The following NR6A1 variants were observed in gnomAD, a reference collection of about 807,000 sequenced individuals.
NR6A1 encodes the protein nuclear receptor subfamily 6 group A member 1, also known as retinoic acid receptor-related testis-associated receptor.
NR6A1 carries 7 observed loss-of-function variants against 59.1 expected under a neutral mutation model. The ratio of observed to expected loss-of-function variants is 0.12; its 90% CI spans 0.07 to 0.22. The LOEUF is 0.22. Among genes scored for constraint, NR6A1 ranks in the 10% least tolerant of loss-of-function variants. NR6A1 has a pLI of 1.00. For missense variants in NR6A1, 468 were observed against 611.6 expected (o/e 0.77, Z 2.48); for synonymous variants, 243 against 236.1 (o/e 1.03, Z -0.27).
Position 124,595,099 on chromosome 9 carries a change from T to C in NR6A1, c.143-40529A>G, listed in dbSNP as rs185923696. Among the ~76,000 whole-genome samples, 9 of 152,326 alleles carry C rather than the reference T, an allele frequency of 5.9e-5. No homozygotes were observed. In the East Asian group the frequency reaches 1.5e-3, roughly 26 times the overall value. ...GTCTTTCCTGGCCTAAATAATAAAGTTGTGGAAAAGTGGGGTTTCTCACAT... is the reference window on the plus strand; with the variant it reads ...GTCTTTCCTGGCCTAAATAATAAAGCTGTGGAAAAGTGGGGTTTCTCACAT... On this transcript the variant is annotated intron_variant, in intron 2 of 9. Transcript: ENST00000487099.
intron 2 of NR6A1, among the ~76,000 whole-genome samples, chr9:124,661,640 G>C (rs1259075487): frequency 6.6e-6 from 1 of 152,148 alleles, no homozygotes; most frequent in Admixed American, 6.5e-5. Flanking sequence ...AATGGTGCTG[G>C]TAAACATAAT....
intron 2 of NR6A1, among the ~76,000 whole-genome samples, chr9:124,619,264 A>C (rs201881992): frequency 6.6e-6 from 1 of 151,078 alleles, no homozygotes; most frequent in Non-Finnish European, 1.5e-5. Context: ...AATTTTAATT[A>C]AAAAAAAAAT....
At chr9:124,763,875 A>G (rs756159596) in intron 1 of NR6A1, among the ~76,000 whole-genome samples, 5 of 152,188 alleles carry the variant, frequency 3.3e-5, no homozygotes, top group Admixed American at 6.5e-5. Flanking sequence ...GACTTGAATT[A>G]ATAAAACTAG....
At chr9:124,760,588 A>T (rs1009372023) in intron 1 of NR6A1, among the ~76,000 whole-genome samples, 4 of 152,186 alleles carry the variant, frequency 2.6e-5, no homozygotes, top group Non-Finnish European at 5.9e-5. Context: ...GGGGATGTTA[A>T]ATCTATGAAA....
At chr9:124,677,208 T>C (rs1837992646) in intron 2 of NR6A1, among the ~76,000 whole-genome samples, 1 of 152,208 alleles carries the variant, frequency 6.6e-6, no homozygotes, top group Non-Finnish European at 1.5e-5. Flanking sequence ...AATTTTCATA[T>C]ATGGTCAAAA....
rs71372980 is a variant in NR6A1 at position 124,630,670 on chromosome 9, CTTTTTTTTTTTT to C, written c.143-76112_143-76101del. Among the ~76,000 whole-genome samples the C allele has an allele frequency of 2.7e-4, 16 of 59,520 alleles. No homozygotes were observed. In the South Asian group the frequency reaches 0.01, roughly 38 times the overall value. 39.0% of individuals were successfully genotyped at this position (59,520 alleles called of 152,430 possible). A position where few individuals can be genotyped will look rare whatever the true frequency, so the allele number is the denominator to read the frequency against. ...GACCCCTGGGCAAGTTACTACATTT[CTTTTTTTTTTTT>C]TTTTTTTTTTTTTGAGACAGAGTTT... On this transcript the variant is annotated intron_variant, in intron 2 of 9. Coordinates refer to ENST00000487099, the MANE Select transcript of NR6A1 (RefSeq NM_033334.4).
intron 2 of NR6A1, among the ~76,000 whole-genome samples, chr9:124,676,327 T>C: frequency 6.6e-6 from 1 of 152,226 alleles, no homozygotes; most frequent in African/African-American, 2.4e-5. Flanking sequence ...TTATGAGCTT[T>C]GGCAGCTGCA....
intron 2 of NR6A1, among the ~76,000 whole-genome samples, chr9:124,578,481 A>C (rs991091188): frequency 6.6e-6 from 1 of 152,222 alleles, no homozygotes; most frequent in Non-Finnish European, 1.5e-5. Context: ...AGTCATTCCT[A>C]ATTCCTTTAC....
chr9:124,661,677 G>A (rs781195128), intron 2 of NR6A1, among the ~76,000 whole-genome samples: 9 of 152,012 alleles, frequency 5.9e-5, no homozygotes, highest in Non-Finnish European at 1.2e-4. Flanking sequence ...CCAACAATTG[G>A]GCTTCCTCAA....
intron 2 of NR6A1, among the ~76,000 whole-genome samples, chr9:124,635,786 C>T (rs545990015): frequency 6.6e-6 from 1 of 152,172 alleles, no homozygotes; most frequent in African/African-American, 2.4e-5. Flanking sequence ...ATCTTGGTTG[C>T]TCCCATGTTT....
At chr9:124,727,496 T>C (rs1839755660) in intron 2 of NR6A1, among the ~76,000 whole-genome samples, 1 of 152,226 alleles carries the variant, frequency 6.6e-6, no homozygotes, top group Non-Finnish European at 1.5e-5. Context: ...TTTGGATATT[T>C]AAGGGTTCCA....
Position 124,522,772 on chromosome 9 carries a change from AG to A in NR6A1, c.1375del (p.Leu459TrpfsTer64). 1 of 1,591,820 alleles carries A rather than the reference AG, an allele frequency of 6.3e-7. No individual in the cohort carries two copies. Among genetic ancestry groups the A allele is most frequent in the Non-Finnish European group, 8.6e-7 (1 of 1,169,092 alleles). On this transcript the variant is annotated frameshift_variant, in exon 10 of 10. Coordinates refer to ENST00000487099, the MANE Select transcript of NR6A1 (RefSeq NM_033334.4). LOFTEE classifies it high-confidence loss of function. ...YIAGKMVNVP[L>X]EQLPLLFKVV... ...CTTAAAGAGGAGGGGCAGCTGCTCCAGGGGCACATTCACCATCTTTCCTGGG... is the reference window on the plus strand; with the variant it reads ...CTTAAAGAGGAGGGGCAGCTGCTCCAGGGCACATTCACCATCTTTCCTGGG...
chr9:124,767,694 C>T (rs1413680265), intron 1 of NR6A1, among the ~76,000 whole-genome samples: 1 of 151,858 alleles, frequency 6.6e-6, no homozygotes, highest in East Asian at 1.9e-4. Context: ...GAAATATTTG[C>T]CAATTTATTT....
chr9:124,733,169 A>G, intron 2 of NR6A1, 139 bp downstream of exon 2: 1 of 688,638 alleles, frequency 1.5e-6, no homozygotes, highest in Non-Finnish European at 2.6e-6. Flanking sequence ...TGCCCTTCCT[A>G]TAATTACAAA....
intron 2 of NR6A1, among the ~76,000 whole-genome samples, chr9:124,580,546 G>A (rs528917452): frequency 5.3e-5 from 8 of 152,152 alleles, no homozygotes; most frequent in African/African-American, 7.2e-5. Context: ...TGGGCCAGGC[G>A]TGGTGGTTCA....
intron 2 of NR6A1, among the ~76,000 whole-genome samples, chr9:124,623,250 G>A (rs185000207): frequency 1.5e-4 from 23 of 152,240 alleles, no homozygotes; most frequent in Middle Eastern, 3.4e-3. Flanking sequence ...TTTTCAAAGA[G>A]TTTGGGGGAA....
chr9:124,671,642 T>C (rs1220712713), intron 2 of NR6A1, among the ~76,000 whole-genome samples: 2 of 151,880 alleles, frequency 1.3e-5, no homozygotes, highest in African/African-American at 4.9e-5. Context: ...GTTTACCTAA[T>C]GTAAATACAC....
chr9:124,563,241 G>A (rs1035141959), intron 2 of NR6A1, among the ~76,000 whole-genome samples: 1 of 152,146 alleles, frequency 6.6e-6, no homozygotes, highest in African/African-American at 2.4e-5. Context: ...AAAATATCAA[G>A]TGCATCATAT....
intron 2 of NR6A1, among the ~76,000 whole-genome samples, chr9:124,662,135 G>T (rs75464474): frequency 0.01 from 1,571 of 151,722 alleles, 26 homozygotes; most frequent in African/African-American, 0.036. Flanking sequence ...TTTCCCCCTT[G>T]GTTGCAATGA....
Sources: gnomAD v4.1 joint callset for allele counts (sites outside exome capture counted in the v4.1 genomes callset) on GRCh38, gnomAD v4.1.1 for gene constraint, MANE v1.5 for transcripts, NCBI Gene and HGNC (gene_info 2026-07-23, HGNC 2026-07-21) for gene names.